Variants in EIF3H observed in about 807,000 individuals in gnomAD.
EIF3H encodes eukaryotic translation initiation factor 3 subunit H.
EIF3H carries 26 observed loss-of-function variants against 44.2 expected under a neutral mutation model. The ratio of observed to expected loss-of-function variants is 0.59; its 90% CI spans 0.43 to 0.82. The LOEUF is 0.82. Among genes scored for constraint, EIF3H ranks in the 40% least tolerant of loss-of-function variants. EIF3H has a pLI of 0.00. For synonymous variants in EIF3H, 166 were observed against 151.9 expected, an observed-to-expected ratio of 1.09 and a Z score of -0.68; for missense variants, 359 against 432.8, an observed-to-expected ratio of 0.83 and a Z score of 1.51.
In EIF3H at chr8:116,678,144, C is replaced by T. The variant is rs868004507; in HGVS notation, c.290-19164G>A. Among the ~76,000 whole-genome samples the T allele has an allele frequency of 3.2e-4, 48 of 151,290 alleles. 2 individuals carry two copies. The South Asian group carries it at 8.1e-3, about 25-fold the overall frequency. On this transcript the variant is annotated intron_variant, in intron 2 of 7. Coordinates refer to ENST00000521861, the MANE Select transcript of EIF3H (RefSeq NM_003756.3). Reference sequence around the variant, plus strand: ...GCCTGCGATTGCAGGCGCGCGCCGCCACGCCTGACTGGTTTTCGTTTTTTT... The same window carrying T: ...GCCTGCGATTGCAGGCGCGCGCCGCTACGCCTGACTGGTTTTCGTTTTTTT...
chr8:116,652,154 A>G (rs1210350660), intron 5 of EIF3H, among the ~76,000 whole-genome samples: 1 of 152,180 alleles, frequency 6.6e-6, no homozygotes, highest in Admixed American at 6.5e-5. Context: ...AACCCAGAAG[A>G]GCTATAGTTT....
At chr8:116,751,638 G>A (rs189420544) in intron 1 of EIF3H, among the ~76,000 whole-genome samples, 111 of 152,302 alleles carry the variant, frequency 7.3e-4, no homozygotes, top group African/African-American at 2.5e-3. Context: ...ATTCAAAAGA[G>A]GCATTCAAGA....
chr8:116,653,259 G>A (rs1201395015), intron 5 of EIF3H, among the ~76,000 whole-genome samples: 1 of 151,554 alleles, frequency 6.6e-6, no homozygotes, highest in Non-Finnish European at 1.5e-5. Context: ...TATTGTGAAA[G>A]AACACTGCTA....
At chr8:116,762,323 A>C (rs1815525758) in intron 1 of EIF3H, among the ~76,000 whole-genome samples, 1 of 152,234 alleles carries the variant, frequency 6.6e-6, no homozygotes, top group Non-Finnish European at 1.5e-5. Flanking sequence ...AAAGAAATCC[A>C]GAAGTAGAAA....
intron 2 of EIF3H, among the ~76,000 whole-genome samples, chr8:116,680,948 T>C (rs1563641381): frequency 6.7e-6 from 1 of 148,960 alleles, no homozygotes; most frequent in Non-Finnish European, 1.5e-5. Flanking sequence ...TTGGGATGAG[T>C]AATAAAGATG....
rs1211566990 is a variant in EIF3H, at chr8:116,655,920, T to C, written c.643A>G (p.Met215Val). The C allele has an allele frequency of 6.2e-7, 1 of 1,613,716 alleles. No homozygotes were observed. The change falls in exon 5 of 8, where the codon ATG becomes GTG. Residue 215 changes from methionine (M) to valine (V), a missense_variant. By Grantham distance (21) the Met-to-Val change is conservative. Transcript: ENST00000521861. ...GCTGACTTCTTTTCAAGTTCCCACA[T>C]TAGGACATTGATCAGATGTGAATTT... Reference protein sequence around the residue: ...IKNSHLINVLMWELEKKSAVA... With the variant: ...IKNSHLINVLVWELEKKSAVA...
chr8:116,645,428 A>T (rs1332842289), intron 7 of EIF3H, among the ~76,000 whole-genome samples: 1 of 152,234 alleles, frequency 6.6e-6, no homozygotes, highest in African/African-American at 2.4e-5. Context: ...ACTAGCCTTC[A>T]CAGGTAGAAA....
chr8:116,718,210 TA>T (rs201474492), intron 2 of EIF3H, among the ~76,000 whole-genome samples: 7 of 148,786 alleles, frequency 4.7e-5, no homozygotes, highest in African/African-American at 9.9e-5. Flanking sequence ...TCCATAATAA[TA>T]AAAAAAAAAT....
rs1378126620 is a variant in EIF3H at position 116,644,380 on chromosome 8, ACT to A, written c.*624_*625del. ...ACTCCAGCCTGGGCAACAAAGTGAGACTCTGTCTTTAAAAATAATGATGATAA... is the reference window on the plus strand; with the variant it reads ...ACTCCAGCCTGGGCAACAAAGTGAGACTGTCTTTAAAAATAATGATGATAA... On this transcript the variant is annotated 3_prime_UTR_variant, in exon 8 of 8. Transcript: ENST00000521861. 1 of 152,098 alleles carries A rather than the reference ACT, an allele frequency of 6.6e-6. No homozygotes were observed. The highest frequency in any genetic ancestry group is 1.5e-5 in the Non-Finnish European group (1 of 68,052). 9.4% of individuals were successfully genotyped at this position (152,098 alleles called of 1,614,324 possible). A position where few individuals can be genotyped will look rare whatever the true frequency, so the allele number is the denominator to read the frequency against.
chr8:116,709,317 A>C (rs1297400341), intron 2 of EIF3H, among the ~76,000 whole-genome samples: 6 of 152,180 alleles, frequency 3.9e-5, no homozygotes, highest in Non-Finnish European at 1.5e-5. Flanking sequence ...AGCAGGTCTT[A>C]TTTTAAATGT....
chr8:116,687,959 T>C (rs1242765439), intron 2 of EIF3H, among the ~76,000 whole-genome samples: 1 of 152,116 alleles, frequency 6.6e-6, no homozygotes, highest in Non-Finnish European at 1.5e-5. Flanking sequence ...CTTCTAAATA[T>C]TGACCACAGC....
At chr8:116,756,577 A>G (rs1052484730), upstream of EIF3H, among the ~76,000 whole-genome samples, 1 of 152,208 alleles carries the variant, frequency 6.6e-6, no homozygotes, top group African/African-American at 2.4e-5. Flanking sequence ...CTTTTTTCCT[A>G]TCCCTTATTT....
At chr8:116,674,333 G>A (rs1262900632) in intron 2 of EIF3H, among the ~76,000 whole-genome samples, 2 of 136,288 alleles carry the variant, frequency 1.5e-5, no homozygotes, top group African/African-American at 5.2e-5. Context: ...GGGGGGGGTG[G>A]GGGGGAAGGG....
intron 2 of EIF3H, among the ~76,000 whole-genome samples, chr8:116,681,923 T>C (rs1220425351): frequency 6.6e-6 from 1 of 152,128 alleles, no homozygotes; most frequent in African/African-American, 2.4e-5. Flanking sequence ...TTTAAAGATA[T>C]AGATAAGATA....
intron 2 of EIF3H, among the ~76,000 whole-genome samples, chr8:116,715,499 G>A (rs1192649448): frequency 6.6e-6 from 1 of 152,018 alleles, no homozygotes; most frequent in Admixed American, 6.6e-5. Flanking sequence ...CAGTCTTCAT[G>A]CTTCGTTTTG....
At chr8:116,666,753 CA>C (rs56700266) in intron 2 of EIF3H, among the ~76,000 whole-genome samples, 41 of 71,448 alleles carry the variant, frequency 5.7e-4, no homozygotes, top group African/African-American at 1.7e-3. Flanking sequence ...TAGTGTTAGG[CA>C]AAAAAAAAAA....
At chr8:116,679,393 C>T (rs1212940901) in intron 2 of EIF3H, among the ~76,000 whole-genome samples, 1 of 68,884 alleles carries the variant, frequency 1.5e-5, no homozygotes, top group African/African-American at 3.6e-5. Flanking sequence ...CCAGCCGCCC[C>T]GTCCGGGAGG....
intron 1 of EIF3H, among the ~76,000 whole-genome samples, chr8:116,740,833 A>C (rs1466933319): frequency 6.6e-6 from 1 of 152,176 alleles, no homozygotes; most frequent in Non-Finnish European, 1.5e-5. Context: ...AATCCAAAAC[A>C]AAGTTTGAGT....
At chr8:116,752,920 G>A (rs1467406626) in intron 1 of EIF3H, among the ~76,000 whole-genome samples, 1 of 151,816 alleles carries the variant, frequency 6.6e-6, no homozygotes, top group Non-Finnish European at 1.5e-5. Context: ...GGCAAACGTG[G>A]GTATACCTAT....
Sources: gnomAD v4.1 joint callset for allele counts (sites outside exome capture counted in the v4.1 genomes callset) on GRCh38, gnomAD v4.1.1 for gene constraint, MANE v1.5 for transcripts, NCBI Gene and HGNC (gene_info 2026-07-23, HGNC 2026-07-21) for gene names.